The following SMPDL3A variants were observed in gnomAD, a reference collection of about 807,000 sequenced individuals.
SMPDL3A encodes sphingomyelin phosphodiesterase acid like 3A, also known as cyclic GMP-AMP phosphodiesterase SMPDL3A.
Under a neutral mutation model 38.5 loss-of-function variants are expected in SMPDL3A, and 39 were observed. The observed-to-expected ratio is 1.01, with a 90% CI of 0.78 to 1.32. The LOEUF is 1.32. Ranked by LOEUF, SMPDL3A falls within the 40% of genes most tolerant of loss-of-function variation. The pLI is 0.00. For synonymous variants in SMPDL3A, 180 were observed against 194.3 expected (o/e 0.93, Z 0.61); for missense variants, 502 against 536.2 (o/e 0.94, Z 0.63).
chr6:122,807,455 C>T (rs1165066310), intron 7 of SMPDL3A, among the ~76,000 whole-genome samples: 2 of 152,078 alleles, frequency 1.3e-5, no homozygotes, highest in Admixed American at 6.6e-5. Flanking sequence ...GCCGAGATTG[C>T]GCCACTGCAC....
Position 122,809,481 on chromosome 6 carries a change from T to A in SMPDL3A, c.*73T>A. ...TCAATTTGTGGGAATTTTACATAAATCTTTGTTAATTACTGAGTGGGCAAG... is the reference window on the plus strand; with the variant it reads ...TCAATTTGTGGGAATTTTACATAAAACTTTGTTAATTACTGAGTGGGCAAG... On this transcript the variant is annotated 3_prime_UTR_variant, in exon 8 of 8. Coordinates refer to ENST00000368440, the MANE Select transcript of SMPDL3A (RefSeq NM_006714.5). 8.5e-7 allele frequency: 1 copy of A among 1,170,460 alleles called. No individual in the cohort carries two copies. The highest frequency in any genetic ancestry group is 1.5e-5 in the African/African-American group (1 of 65,104). The allele number at this position is 1,170,460 out of a possible 1,614,324, so 72.5% of individuals were successfully genotyped here.
intron 1 of SMPDL3A, among the ~76,000 whole-genome samples, chr6:122,790,420 A>G (rs1781041493): frequency 6.6e-6 from 1 of 152,208 alleles, no homozygotes; most frequent in South Asian, 2.1e-4. Context: ...CTTTAAAAAT[A>G]ATTGCACTGT....
At chr6:122,800,022 G>A (rs1781377469) in intron 3 of SMPDL3A, among the ~76,000 whole-genome samples, 1 of 141,608 alleles carries the variant, frequency 7.1e-6, no homozygotes, top group South Asian at 2.2e-4. Flanking sequence ...GGAGTGCAGT[G>A]CAGTGGCACA....
intron 1 of SMPDL3A, among the ~76,000 whole-genome samples, chr6:122,793,806 C>T (rs1781153354): frequency 6.6e-6 from 1 of 152,112 alleles, no homozygotes; most frequent in African/African-American, 2.4e-5. Flanking sequence ...AACTGTTTCA[C>T]CTTATTATCC....
chr6:122,790,220 C>T (rs1781032606), intron 1 of SMPDL3A, among the ~76,000 whole-genome samples: 1 of 152,158 alleles, frequency 6.6e-6, no homozygotes, highest in African/African-American at 2.4e-5. Flanking sequence ...CAGCCCATCC[C>T]AGACCTACTG....
rs770221714 is a variant in SMPDL3A at position 122,809,201 on chromosome 6, G to A, written c.1155G>A (p.Pro385=). 1.9e-5 allele frequency: 30 copies of A among 1,613,984 alleles called. No homozygotes were observed. Among genetic ancestry groups the A allele is most frequent in the Middle Eastern group, 1.6e-4 (1 of 6,084 alleles). The change falls in exon 8 of 8, where the codon CCG becomes CCA. Residue 385 remains proline, a synonymous_variant. Transcript: ENST00000368440. ...CCTACGACATTGAAGATTTGCAGCC[G>A]GAAAGTTTATATGGATTAGCTAAAC... ...TQTYDIEDLQ[P]ESLYGLAKQF... is the part of the protein sequence containing the mutation.
At chr6:122,808,601 CCCTCCCTCCCTT>C (rs1226148680) in intron 7 of SMPDL3A, among the ~76,000 whole-genome samples, 610 of 53,114 alleles carry the variant, frequency 0.011, 2 homozygotes, top group Middle Eastern at 0.05. Context: ...CTTCCTCCCT[CCCTCCCTCCCTT>C]CCTTCCTTCC....
chr6:122,793,754 C>T (rs1025062426), intron 1 of SMPDL3A, among the ~76,000 whole-genome samples: 2 of 152,130 alleles, frequency 1.3e-5, no homozygotes, highest in Non-Finnish European at 2.9e-5. Context: ...TGGGAAGAAA[C>T]AACCACCAAA....
Position 122,789,472 on chromosome 6 carries a change from G to C in SMPDL3A, c.112+14G>C, listed in dbSNP as rs1475604332. On this transcript the variant is annotated intron_variant, in intron 1 of 7. Coordinates refer to ENST00000368440, the MANE Select transcript of SMPDL3A (RefSeq NM_006714.5). ...CTCCGGCGATAGGTGAGTTGTCCGC[G>C]ACCCTTCTCTTCCCAGCCGGCAAAG... 1.5e-5 allele frequency: 23 copies of C among 1,540,514 alleles called. No individual in the cohort carries two copies. The highest frequency in any genetic ancestry group is 2.7e-5 in the African/African-American group (2 of 72,792).
intron 1 of SMPDL3A, among the ~76,000 whole-genome samples, chr6:122,794,981 A>C (rs1562348159): frequency 6.6e-6 from 1 of 152,230 alleles, no homozygotes; most frequent in Admixed American, 6.5e-5. Flanking sequence ...GAATGTAAAT[A>C]ATTTGTAAAA....
chr6:122,794,528 TG>T (rs1781180576), intron 1 of SMPDL3A, among the ~76,000 whole-genome samples: 1 of 151,412 alleles, frequency 6.6e-6, no homozygotes, highest in African/African-American at 2.4e-5. Context: ...ACCCGGGAGG[TG>T]GAGGTGGCAG....
At position 122,804,453 on chromosome 6, in the gene SMPDL3A, G is replaced by A. The variant is rs148138154; in HGVS notation, c.739-456G>A. On this transcript the variant is annotated intron_variant, in intron 5 of 7. Coordinates refer to ENST00000368440, the MANE Select transcript of SMPDL3A (RefSeq NM_006714.5). The stretch of plus-strand genomic sequence containing the variant: ...TAAGTAAGTGGGACTACAGGTGTGC[G>A]CCACCACTCCTGGCTAATTTTTTTT... 5.3e-3 allele frequency among the ~76,000 whole-genome samples: 800 copies of A among 151,798 alleles called. 4 individuals carry two copies. The highest frequency in any genetic ancestry group is 0.018 in the African/African-American group (756 of 41,380).
intron 3 of SMPDL3A, among the ~76,000 whole-genome samples, chr6:122,800,427 T>C (rs116442700): frequency 7.0e-4 from 106 of 152,322 alleles, no homozygotes; most frequent in African/African-American, 2.5e-3. Flanking sequence ...AACATGATGT[T>C]TTCCCGTTCC....
intron 7 of SMPDL3A, among the ~76,000 whole-genome samples, chr6:122,807,202 A>C (rs180699626): frequency 1.3e-5 from 2 of 152,296 alleles, no homozygotes; most frequent in East Asian, 1.9e-4. Context: ...GGCACACCCA[A>C]AAAATTTTTT....
chr6:122,794,289 A>T (rs151250412), intron 1 of SMPDL3A, among the ~76,000 whole-genome samples: 1,542 of 152,222 alleles, frequency 0.01, 24 homozygotes, highest in African/African-American at 0.035. Flanking sequence ...TTGTTCTAGT[A>T]TTACCTTCAA....
intron 1 of SMPDL3A, 128 bp downstream of exon 1, chr6:122,789,586 ACGCGTC>A (rs1246219706): frequency 5.4e-6 from 5 of 917,794 alleles, no homozygotes. Context: ...GGGGCCCCTG[ACGCGTC>A]CGGCGTTGAC....
rs1485762135 is a variant in SMPDL3A, at chr6:122,809,172, C to G, written c.1126C>G (p.Gln376Glu). 3.7e-6 allele frequency: 6 copies of G among 1,613,986 alleles called. No individual in the cohort carries two copies. The highest frequency in any genetic ancestry group is 5.1e-6 in the Non-Finnish European group (6 of 1,179,998). ...CTGGAAGCTGGAGTATATCCTGACC[C>G]AGACCTACGACATTGAAGATTTGCA... ...SIWKLEYILT[Q>E]TYDIEDLQPE... is the part of the protein sequence containing the mutation. The change falls in exon 8 of 8, where the codon CAG becomes GAG. Residue 376 changes from glutamine to glutamate, a missense_variant. Transcript: ENST00000368440.
intron 1 of SMPDL3A, among the ~76,000 whole-genome samples, chr6:122,792,880 T>G (rs1781122379): frequency 6.6e-6 from 1 of 152,120 alleles, no homozygotes; most frequent in Non-Finnish European, 1.5e-5. Context: ...CCGTTTTCAT[T>G]ATCTGTTTTC....
At chr6:122,801,438 C>T in intron 4 of SMPDL3A, 32 bp downstream of exon 4, 2 of 1,444,176 alleles carry the variant, frequency 1.4e-6, no homozygotes, top group Non-Finnish European at 1.9e-6. Flanking sequence ...TCCTATTTTG[C>T]CTCAATTTTT....
Sources: gnomAD v4.1 joint callset for allele counts (sites outside exome capture counted in the v4.1 genomes callset) on GRCh38, gnomAD v4.1.1 for gene constraint, MANE v1.5 for transcripts, NCBI Gene and HGNC (gene_info 2026-07-23, HGNC 2026-07-21) for gene names.